The following DTL variants were observed in gnomAD, a reference collection of about 807,000 sequenced individuals.
The protein encoded by DTL is denticleless protein homolog.
Under a neutral mutation model 87.0 loss-of-function variants are expected in DTL, and 46 were observed. That is an observed-to-expected ratio of 0.53 (90% CI 0.42 to 0.68). The LOEUF (loss-of-function observed/expected upper bound fraction) is 0.68, where lower values mean the gene tolerates loss of function less well. Ranked by LOEUF, DTL falls within the 30% of genes least tolerant of loss-of-function variation. The pLI, the probability that DTL is intolerant of heterozygous loss-of-function variation, is 0.00. For missense variants in DTL, 737 were observed against 869.4 expected, an observed-to-expected ratio of 0.85 and a Z score of 1.91; for synonymous variants, 308 against 311.2, an observed-to-expected ratio of 0.99 and a Z score of 0.11.
At chr1:212,082,072 C>G (rs1028862980) in intron 13 of DTL, among the ~76,000 whole-genome samples, 3 of 152,128 alleles carry the variant, frequency 2.0e-5, no homozygotes, top group Non-Finnish European at 2.9e-5. Context: ...TTAAAGCCTA[C>G]TGAGCAGCCA....
intron 5 of DTL, among the ~76,000 whole-genome samples, chr1:212,052,257 C>T (rs1347654911): frequency 6.6e-6 from 1 of 152,146 alleles, no homozygotes. Context: ...GTTCCCTTCA[C>T]AGTTTTCCTG....
At position 212,035,941 on chromosome 1, in the gene DTL, T is replaced by C. The variant is rs143100007; in HGVS notation, c.51T>C (p.Asn17=). 136 of 1,613,946 alleles carry C rather than the reference T, an allele frequency of 8.4e-5. No homozygotes were observed. Among genetic ancestry groups the C allele is most frequent in the Non-Finnish European group, 1.1e-4 (126 of 1,179,978 alleles). The change falls in exon 1 of 15, where the codon AAT becomes AAC. Residue 17 remains asparagine (N), a splice_region_variant and synonymous_variant. Coordinates refer to ENST00000366991, the MANE Select transcript of DTL (RefSeq NM_016448.4). The stretch of plus-strand genomic sequence containing the variant: ...AGCCCCAGCTTGGCGTCCTGAGAAA[T>C]GGTGAGTAACGGTCCCAACCGCTGC... ...LRQPQLGVLR[N]GWSSQYPLQS...
intron 13 of DTL, among the ~76,000 whole-genome samples, chr1:212,098,506 G>A (rs1052832552): frequency 1.7e-4 from 26 of 152,084 alleles, no homozygotes; most frequent in African/African-American, 6.3e-4. Flanking sequence ...ACGGCTACCA[G>A]GGCGGTTAGA....
At chr1:212,037,761 T>G (rs1578991) in intron 1 of DTL, among the ~76,000 whole-genome samples, 1 of 152,058 alleles carries the variant, frequency 6.6e-6, no homozygotes, top group Non-Finnish European at 1.5e-5. Flanking sequence ...GTCATAGTGG[T>G]GGTGGGCTAA....
At chr1:212,045,273 T>G (rs1316241759) in intron 3 of DTL, among the ~76,000 whole-genome samples, 1 of 152,206 alleles carries the variant, frequency 6.6e-6, no homozygotes, top group Non-Finnish European at 1.5e-5. Flanking sequence ...AACTTCTGAT[T>G]AAGTCTTTTT....
intron 5 of DTL, among the ~76,000 whole-genome samples, chr1:212,056,079 C>T (rs766627444): frequency 6.6e-6 from 1 of 152,206 alleles, no homozygotes; most frequent in Non-Finnish European, 1.5e-5. Flanking sequence ...ATCACTGCTA[C>T]TGTCATCATC....
intron 1 of DTL, among the ~76,000 whole-genome samples, chr1:212,037,904 A>G (rs1558067924): frequency 6.6e-6 from 1 of 152,212 alleles, no homozygotes; most frequent in Non-Finnish European, 1.5e-5. Flanking sequence ...ATTCATTTGT[A>G]TGATTATTGT....
At chr1:212,049,205 G>T (rs929706860) in intron 5 of DTL, among the ~76,000 whole-genome samples, 1 of 152,214 alleles carries the variant, frequency 6.6e-6, no homozygotes, top group African/African-American at 2.4e-5. Flanking sequence ...TTACAGGCAT[G>T]AGCCACCATG....
Position 212,103,883 on chromosome 1 carries a change from G to A in DTL, c.*943G>A, listed in dbSNP as rs1457575355. ...ATTTCTTATTGATATTTTTGTAACA[G>A]AATATAGCTCTTAACTGAAAATCCA... On this transcript the variant is annotated 3_prime_UTR_variant, in exon 15 of 15. Transcript: ENST00000366991. 1 of 152,164 alleles carries A rather than the reference G, an allele frequency of 6.6e-6. No individual in the cohort carries two copies. The highest frequency in any genetic ancestry group is 1.5e-5 in the Non-Finnish European group (1 of 68,026). 9.4% of individuals were successfully genotyped at this position (152,164 alleles called of 1,614,324 possible). A position where few individuals can be genotyped will look rare whatever the true frequency, so the allele number is the denominator to read the frequency against.
At chr1:212,085,673 T>C (rs1468975533) in intron 13 of DTL, among the ~76,000 whole-genome samples, 1 of 152,238 alleles carries the variant, frequency 6.6e-6, no homozygotes, top group African/African-American at 2.4e-5. Context: ...TTTTTTCCTT[T>C]GTCACTTATG....
intron 13 of DTL, among the ~76,000 whole-genome samples, chr1:212,097,471 G>A (rs1013329089): frequency 6.6e-6 from 1 of 151,012 alleles, no homozygotes; most frequent in African/African-American, 2.4e-5. Context: ...CCTTGTCTTT[G>A]AGCTCCAAAA....
At chr1:212,045,993 G>A (rs1479606356) in intron 3 of DTL, among the ~76,000 whole-genome samples, 2 of 152,114 alleles carry the variant, frequency 1.3e-5, no homozygotes, top group Non-Finnish European at 2.9e-5. Context: ...TAGCCAGGCT[G>A]GTTAACTCCT....
intron 1 of DTL, among the ~76,000 whole-genome samples, chr1:212,042,195 C>G (rs1340535444): frequency 1.4e-5 from 2 of 147,134 alleles, no homozygotes; most frequent in Non-Finnish European, 1.5e-5. Flanking sequence ...GATCACAAAT[C>G]AGTATAATAA....
At chr1:212,087,486 C>T (rs1277559517) in intron 13 of DTL, among the ~76,000 whole-genome samples, 1 of 151,388 alleles carries the variant, frequency 6.6e-6, no homozygotes, top group Non-Finnish European at 1.5e-5. Context: ...GGAGGCGGAG[C>T]TTGCAGTGAG....
At chr1:212,056,107 C>T (rs955290772) in intron 5 of DTL, among the ~76,000 whole-genome samples, 1 of 152,196 alleles carries the variant, frequency 6.6e-6, no homozygotes, top group African/African-American at 2.4e-5. Context: ...CTCCACACCT[C>T]CTGCCCAGGG....
At chr1:212,055,714 C>CT (rs527581633) in intron 5 of DTL, among the ~76,000 whole-genome samples, 12 of 152,214 alleles carry the variant, frequency 7.9e-5, no homozygotes, top group Non-Finnish European at 1.6e-4. Flanking sequence ...GCTGCTGCCC[C>CT]TTACCTGAGC....
chr1:212,065,115 T>C, intron 7 of DTL, 86 bp downstream of exon 7: 1 of 938,538 alleles, frequency 1.1e-6, no homozygotes, highest in Non-Finnish European at 1.7e-6. Context: ...TGAATGAGAA[T>C]CTTCATGATT....
At chr1:212,072,760 C>CTTTTTTTTT (rs368207666) in intron 11 of DTL, among the ~76,000 whole-genome samples, 5 of 124,770 alleles carry the variant, frequency 4.0e-5, no homozygotes, top group Admixed American at 8.5e-5. Context: ...ATTTACTAAT[C>CTTTTTTTTT]TTTTTTTTTT....
intron 13 of DTL, among the ~76,000 whole-genome samples, chr1:212,094,844 T>C (rs1655398890): frequency 6.6e-6 from 1 of 152,212 alleles, no homozygotes; most frequent in Non-Finnish European, 1.5e-5. Flanking sequence ...TTCCTAGGTT[T>C]TGCAGCTATT....
Sources: allele counts gnomAD v4.1 joint callset (sites outside exome capture counted in the v4.1 genomes callset), GRCh38; gene constraint gnomAD v4.1.1; transcripts MANE v1.5; gene names NCBI Gene and HGNC (gene_info 2026-07-23, HGNC 2026-07-21).